CAPN13: variants seen among roughly 807,000 people sequenced by gnomAD.
CAPN13 encodes calpain 13, also known as calpain-13.
CAPN13 carries 90 observed loss-of-function variants against 98.4 expected under a neutral mutation model. The ratio of observed to expected loss-of-function variants is 0.92; its 90% CI spans 0.77 to 1.09. The LOEUF is 1.09. Among genes scored for constraint, CAPN13 ranks in the 50% least tolerant of loss-of-function variants. CAPN13 has a pLI of 0.00. For missense variants in CAPN13, 887 were observed against 841.3 expected (o/e 1.05, Z -0.67); for synonymous variants, 330 against 305.5 (o/e 1.08, Z -0.84).
chr2:30,725,185 G>C (rs937561091), intron 22 of CAPN13, among the ~76,000 whole-genome samples: 1 of 152,156 alleles, frequency 6.6e-6, no homozygotes, highest in Non-Finnish European at 1.5e-5. Context: ...ACAGCCTCAA[G>C]TGTCCAAGGA....
intron 17 of CAPN13, 30 bp downstream of exon 17, chr2:30,738,205 G>C (rs556646688): frequency 6.2e-7 from 1 of 1,613,542 alleles, no homozygotes; most frequent in South Asian, 1.1e-5. Flanking sequence ...GGGGTGCTCA[G>C]AGCATGGGAG....
chr2:30,782,136 C>G (rs775187355), intron 2 of CAPN13, among the ~76,000 whole-genome samples: 1 of 152,180 alleles, frequency 6.6e-6, no homozygotes, highest in Admixed American at 6.5e-5. Context: ...CTCAAGCCAG[C>G]TGCTCTACCC....
chr2:30,803,542 A>T (rs1024005597), intron 1 of CAPN13, among the ~76,000 whole-genome samples: 2 of 152,104 alleles, frequency 1.3e-5, no homozygotes, highest in African/African-American at 4.8e-5. Flanking sequence ...CCCAATTTTA[A>T]AGGTCCCTTG....
intron 1 of CAPN13, among the ~76,000 whole-genome samples, chr2:30,787,728 A>G (rs1209467445): frequency 6.6e-6 from 1 of 152,162 alleles, no homozygotes; most frequent in Admixed American, 6.5e-5. Context: ...GTTGCATTGG[A>G]AAGGTCACGG....
intron 22 of CAPN13, among the ~76,000 whole-genome samples, chr2:30,728,163 T>C (rs562679389): frequency 2.5e-4 from 38 of 149,820 alleles, no homozygotes; most frequent in Non-Finnish European, 4.1e-4. Flanking sequence ...TGGGACACAA[T>C]TGGGGAGCAA....
At chr2:30,801,824 G>A (rs751542029) in intron 1 of CAPN13, among the ~76,000 whole-genome samples, 1 of 152,064 alleles carries the variant, frequency 6.6e-6, no homozygotes, top group Non-Finnish European at 1.5e-5. Context: ...AGTCCACCAG[G>A]GGAAGGGATT....
chr2:30,766,112 T>G (rs1313618600), intron 5 of CAPN13, among the ~76,000 whole-genome samples: 2 of 152,190 alleles, frequency 1.3e-5, no homozygotes, highest in Non-Finnish European at 2.9e-5. Context: ...GGGAACCCAT[T>G]CCCCACCAGT....
intron 1 of CAPN13, among the ~76,000 whole-genome samples, chr2:30,804,730 A>G (rs1490456034): frequency 6.6e-6 from 1 of 152,128 alleles, no homozygotes; most frequent in Non-Finnish European, 1.5e-5. Flanking sequence ...ATGGCCGTGG[A>G]CTTCCTTGCT....
At chr2:30,758,199 T>C (rs1672559782) in intron 7 of CAPN13, 62 bp from the exon 8 acceptor site, 6 of 1,235,606 alleles carry the variant, frequency 4.9e-6, no homozygotes, top group Middle Eastern at 3.8e-4. Context: ...GAAAGGGGGA[T>C]GAATGCAGCT....
At chr2:30,740,144 C>A (rs368239427) in intron 15 of CAPN13, among the ~76,000 whole-genome samples, 38 of 137,560 alleles carry the variant, frequency 2.8e-4, no homozygotes, top group East Asian at 2.7e-3. Context: ...ATCCAGGCTG[C>A]AGTGCAATGG....
At chr2:30,759,049 TCCTTCCCTCCCTCCCTCCCTCCTC>T (rs1672661685) in intron 7 of CAPN13, among the ~76,000 whole-genome samples, 1 of 56,118 alleles carries the variant, frequency 1.8e-5, no homozygotes, top group African/African-American at 8.5e-5. Flanking sequence ...CCTCCTTCCT[TCCTTCCCTCCCTCCCTCCCTCCTC>T]CCTCCCTTCC....
At chr2:30,743,864 A>G (rs746236169) in intron 12 of CAPN13, 32 of 544,872 alleles carry the variant, frequency 5.9e-5, no homozygotes, top group Non-Finnish European at 9.5e-5. Flanking sequence ...CTCCCTGCTT[A>G]TATAGAGAGA....
Position 30,742,350 on chromosome 2 carries a change from G to T in CAPN13, c.1455C>A (p.Ser485Arg). The change falls in exon 14 of 23, where the codon AGC (serine) becomes AGA (arginine). Residue 485 changes from serine (S) to arginine (R), a missense_variant. Coordinates refer to ENST00000295055, the MANE Select transcript of CAPN13 (RefSeq NM_144575.3). ...CCTTCATTCTGAGGTTGAAATGGCT[G>T]CTCAGGTGCCTAGAAAATCAGAGGA... is the stretch of plus-strand genomic sequence containing the variant. ...LKMPDSDRHL[S>R]SHFNLRMKGS... 1 of 1,604,456 alleles carries T rather than the reference G, an allele frequency of 6.2e-7. No homozygotes were observed. The highest frequency in any genetic ancestry group is 1.1e-5 in the South Asian group (1 of 88,802).
Position 30,758,054 on chromosome 2 carries a change from C to G in CAPN13, c.858G>C (p.Trp286Cys). 6.8e-6 allele frequency: 11 copies of G among 1,610,460 alleles called. No homozygotes were observed. The highest frequency in any genetic ancestry group is 8.5e-6 in the Non-Finnish European group (10 of 1,178,578). The change falls in exon 8 of 23, where the codon TGG (tryptophan) becomes TGC (cysteine). Residue 286 changes from tryptophan to cysteine, a missense_variant. By Grantham distance (215) the Trp-to-Cys change is radical. Transcript: ENST00000295055. ...GTTTCCAGAAGCCATACCCATCACT[C>G]CAGCGCCCTCTCCATTCGGCCTCGC... ...GWGEAEWRGR[W>C]SDGSQEWEET...
intron 8 of CAPN13, among the ~76,000 whole-genome samples, chr2:30,755,971 G>A (rs1250189568): frequency 2.0e-5 from 3 of 152,056 alleles, no homozygotes; most frequent in Admixed American, 2.0e-4. Flanking sequence ...AAGTAGGGAA[G>A]AAATCGACCA....
chr2:30,775,911 G>A lies in CAPN13; in HGVS notation c.387+19C>T, dbSNP rs184811740. ...CAGAGAACCCCATCATATAATGAGC[G>A]CTGCAAGGGCACACGTACCCGGAAA... On this transcript the variant is annotated intron_variant, in intron 4 of 22. Transcript: ENST00000295055. The A allele has an allele frequency of 1.4e-5, 22 of 1,567,544 alleles. No individual in the cohort carries two copies. In the East Asian group the frequency reaches 3.0e-4, roughly 21 times the overall value.
intron 5 of CAPN13, among the ~76,000 whole-genome samples, chr2:30,769,357 C>G (rs1002977467): frequency 2.0e-5 from 3 of 152,278 alleles, no homozygotes; most frequent in South Asian, 4.1e-4. Flanking sequence ...TGGATCCCCA[C>G]ATGCTGGCGA....
At chr2:30,791,773 A>G (rs1558344115) in intron 1 of CAPN13, among the ~76,000 whole-genome samples, 1 of 152,254 alleles carries the variant, frequency 6.6e-6, no homozygotes, top group African/African-American at 2.4e-5. Context: ...TACTTTGTTG[A>G]AAAATTAAAT....
intron 1 of CAPN13, among the ~76,000 whole-genome samples, chr2:30,790,539 G>A (rs1674549595): frequency 6.6e-6 from 1 of 152,148 alleles, no homozygotes; most frequent in African/African-American, 2.4e-5. Context: ...AGCAGGAGCC[G>A]TGGCTTAGGG....
Sources: allele counts gnomAD v4.1 joint callset (sites outside exome capture counted in the v4.1 genomes callset), GRCh38; gene constraint gnomAD v4.1.1; transcripts MANE v1.5; gene names NCBI Gene and HGNC (gene_info 2026-07-23, HGNC 2026-07-21).